Variants in MEI1 observed in about 807,000 individuals in gnomAD.
The protein encoded by MEI1 is meiotic double-stranded break formation protein 1, also known as meiosis inhibitor protein 1.
MEI1 carries 103 observed loss-of-function variants against 146.2 expected under a neutral mutation model. That is an observed-to-expected ratio of 0.70 (90% CI 0.60 to 0.83). The LOEUF (loss-of-function observed/expected upper bound fraction) is 0.83, where lower values mean the gene tolerates loss of function less well. Ranked by LOEUF, MEI1 falls within the 40% of genes least tolerant of loss-of-function variation. The pLI is 0.00. For missense variants in MEI1, 1,529 were observed against 1,533.0 expected (o/e 1.00, Z 0.04); for synonymous variants, 652 against 628.2 (o/e 1.04, Z -0.57).
intron 26 of MEI1, among the ~76,000 whole-genome samples, chr22:41,790,834 G>A (rs9607841): frequency 0.17 from 25,199 of 151,856 alleles, 3,036 homozygotes; most frequent in Admixed American, 0.36. Flanking sequence ...CTTGTGATCC[G>A]CCCACCTCAG....
At chr22:41,777,318 G>A (rs1328009995) in intron 21 of MEI1, among the ~76,000 whole-genome samples, 1 of 151,510 alleles carries the variant, frequency 6.6e-6, no homozygotes, top group Non-Finnish European at 1.5e-5. Context: ...ACTGCACCTG[G>A]CTAATTTTTT....
In MEI1 at chr22:41,729,713, A is replaced by G. The variant is rs776083441; in HGVS notation, c.913A>G (p.Ile305Val). The change falls in exon 8 of 31, where the codon ATA (isoleucine) becomes GTA (valine). Residue 305 changes from isoleucine (I) to valine (V), a missense_variant. This residue lies in a region of MEI1 where 1,212 missense variants were observed against 1,178.9 expected (regional missense o/e 1.03). Coordinates refer to ENST00000401548, the MANE Select transcript of MEI1 (RefSeq NM_152513.4). The part of the protein sequence containing the change: ...ETLQVASAHC[I>V]TAVLVHSPAK... ...CCTGCAGGTGGCCAGTGCTCACTGT[A>G]TAACTGCGGTGCTTGTCCACTCCCC... 8.7e-6 allele frequency: 14 copies of G among 1,612,360 alleles called. No individual in the cohort carries two copies. The East Asian group carries it at 2.7e-4, about 31-fold the overall frequency.
Position 41,795,433 on chromosome 22 carries a change from G to T in MEI1, c.3557G>T (p.Ser1186Ile), listed in dbSNP as rs754079589. The change falls in exon 29 of 31, where the codon AGT (serine) becomes ATT (isoleucine). Residue 1186 changes from serine to isoleucine, a missense_variant. By Grantham distance (142) the Ser-to-Ile change is moderately radical. Coordinates refer to ENST00000401548, the MANE Select transcript of MEI1 (RefSeq NM_152513.4). This position sits in a 1 kb window ranked among gnomAD's most constrained non-coding sequence, Gnocchi z 4.2. ...CAGTTTATGCGGTACCGGAGTAGCA[G>T]TGTCCTCTCTCATGAAGAGGTGGGT... ...MTLFMRYRSS[S>I]VLSHEEVGDV... 1 of 1,613,706 alleles carries T rather than the reference G, an allele frequency of 6.2e-7. No homozygotes were observed. Among genetic ancestry groups the T allele is most frequent in the African/African-American group, 1.3e-5 (1 of 74,870 alleles).
chr22:41,792,210 A>G (rs1031610705), intron 26 of MEI1, among the ~76,000 whole-genome samples: 14 of 152,222 alleles, frequency 9.2e-5, no homozygotes, highest in Admixed American at 2.6e-4. Context: ...AGCCTAAGCT[A>G]GGGCTCTGGG....
chr22:41,748,276 A>T, intron 15 of MEI1, 58 bp downstream of exon 15: 3 of 1,088,220 alleles, frequency 2.8e-6, no homozygotes, highest in Non-Finnish European at 4.3e-6. Flanking sequence ...GGCAATGCTC[A>T]GAGAGTATTC....
intron 3 of MEI1, among the ~76,000 whole-genome samples, chr22:41,711,650 C>T (rs1209441284): frequency 6.6e-6 from 1 of 152,170 alleles, no homozygotes; most frequent in Non-Finnish European, 1.5e-5. Context: ...TGTTTCTGTG[C>T]GTGTTCGCCT....
At chr22:41,777,277 T>A (rs1188050299) in intron 21 of MEI1, among the ~76,000 whole-genome samples, 1 of 151,838 alleles carries the variant, frequency 6.6e-6, no homozygotes, top group East Asian at 1.9e-4. Flanking sequence ...TGCCTCAGCC[T>A]CCATAGTAGC....
chr22:41,795,649 G>A lies in MEI1; in HGVS notation c.3667-86G>A. Reference sequence around the variant, plus strand: ...CCACAGCAACCAAGGAATGGGAGGAGGGAAGTACAGAGGATGGAGGCAGTT... The same window carrying A: ...CCACAGCAACCAAGGAATGGGAGGAAGGAAGTACAGAGGATGGAGGCAGTT... On this transcript the variant is annotated intron_variant, in intron 29 of 30. Coordinates refer to ENST00000401548, the MANE Select transcript of MEI1 (RefSeq NM_152513.4). This position sits in a 1 kb window ranked among gnomAD's most constrained non-coding sequence, Gnocchi z 4.2. The A allele has an allele frequency of 6.3e-7, 1 of 1,590,564 alleles. No homozygotes were observed. Among genetic ancestry groups the A allele is most frequent in the Non-Finnish European group, 8.6e-7 (1 of 1,165,408 alleles).
chr22:41,740,118 C>A (rs1031235475), intron 11 of MEI1, among the ~76,000 whole-genome samples: 3 of 151,922 alleles, frequency 2.0e-5, no homozygotes, highest in Non-Finnish European at 2.9e-5. Context: ...CTCCCAGGTT[C>A]AAACGATTCT....
rs1286950149 is a variant in MEI1 at position 41,752,699 on chromosome 22, C to A, written c.1853+48C>A. ...TTGAGTGGCCAAGGGGCCAATGTCC[C>A]TCTTGATGGGACAAGTGGGAATTGT... is the stretch of plus-strand genomic sequence containing the variant. On this transcript the variant is annotated intron_variant, in intron 16 of 30. Coordinates refer to ENST00000401548, the MANE Select transcript of MEI1 (RefSeq NM_152513.4). 3.7e-5 allele frequency: 55 copies of A among 1,497,730 alleles called. No individual in the cohort carries two copies. In the East Asian group the frequency reaches 1.3e-3, roughly 35 times the overall value. 92.8% of individuals were successfully genotyped at this position (1,497,730 alleles called of 1,614,324 possible).
chr22:41,734,554 C>G (rs768831960), intron 11 of MEI1, among the ~76,000 whole-genome samples: 6 of 152,224 alleles, frequency 3.9e-5, no homozygotes, highest in Non-Finnish European at 8.8e-5. Flanking sequence ...GATCTTGCCA[C>G]TGTACTCCAG....
intron 19 of MEI1, 122 bp downstream of exon 19, chr22:41,763,443 T>C: frequency 9.2e-7 from 1 of 1,087,102 alleles, no homozygotes; most frequent in Non-Finnish European, 1.3e-6. Context: ...AAAGCGGAGG[T>C]GTTAGGAGTG....
At chr22:41,709,212 A>G (rs1431255661) in intron 3 of MEI1, 2 of 851,730 alleles carry the variant, frequency 2.3e-6, no homozygotes, top group Admixed American at 1.7e-5. Flanking sequence ...CCAAAAATGT[A>G]CACACTTCAC....
At chr22:41,717,456 C>G (rs574093146) in intron 5 of MEI1, among the ~76,000 whole-genome samples, 17 of 152,136 alleles carry the variant, frequency 1.1e-4, no homozygotes, top group Admixed American at 8.5e-4. Context: ...AGGCACCATG[C>G]CCAGCCTAAT....
intron 6 of MEI1, among the ~76,000 whole-genome samples, chr22:41,723,173 A>G (rs1390272986): frequency 2.6e-5 from 4 of 151,358 alleles, no homozygotes. Context: ...GGTATTTCTC[A>G]TTTACATCAT....
intron 3 of MEI1, among the ~76,000 whole-genome samples, chr22:41,706,484 A>G (rs1324279360): frequency 6.6e-6 from 1 of 152,216 alleles, no homozygotes; most frequent in Admixed American, 6.5e-5. Context: ...ACAAAGGCAC[A>G]TACAAAACTC....
intron 11 of MEI1, among the ~76,000 whole-genome samples, chr22:41,738,700 A>G (rs1688579114): frequency 6.6e-6 from 1 of 151,850 alleles, no homozygotes; most frequent in Non-Finnish European, 1.5e-5. Context: ...TGAACCAGGG[A>G]GTTGGAGGTT....
At chr22:41,738,811 A>AAAATAC (rs1287421888) in intron 11 of MEI1, among the ~76,000 whole-genome samples, 1 of 6,094 alleles carries the variant, frequency 1.6e-4, no homozygotes, top group Non-Finnish European at 4.3e-4. Flanking sequence ...TAAAATAAAT[A>AAAATAC]AATAAAATTA....
intron 11 of MEI1, among the ~76,000 whole-genome samples, chr22:41,737,300 G>A (rs541348803): frequency 6.6e-6 from 1 of 151,478 alleles, no homozygotes; most frequent in Non-Finnish European, 1.5e-5. Flanking sequence ...GCAGTGGCGC[G>A]ATCTCGGCTC....
Sources: allele counts gnomAD v4.1 joint callset (sites outside exome capture counted in the v4.1 genomes callset), GRCh38; gene constraint gnomAD v4.1.1; regional missense constraint gnomAD v4.1.1; non-coding constraint Gnocchi (gnomAD v3.1); transcripts MANE v1.5; gene names NCBI Gene and HGNC (gene_info 2026-07-23, HGNC 2026-07-21).